ARHGAP24: variants seen among roughly 807,000 people sequenced by gnomAD.
The protein encoded by ARHGAP24 is rho GTPase-activating protein 24.
In ARHGAP24, 50 loss-of-function variants were observed where a neutral mutation model predicts 76.4. The observed-to-expected ratio is 0.65, with a 90% CI of 0.52 to 0.83. ARHGAP24 has a LOEUF of 0.83. Among genes scored for constraint, ARHGAP24 ranks in the 40% least tolerant of loss-of-function variants. The pLI is 0.00. For synonymous variants in ARHGAP24, 345 were observed against 323.3 expected (o/e 1.07, Z -0.72); for missense variants, 930 against 914.2 (o/e 1.02, Z -0.22).
intron 2 of ARHGAP24, among the ~76,000 whole-genome samples, chr4:85,650,154 T>C (rs1410771443): frequency 3.3e-5 from 5 of 150,392 alleles, no homozygotes. Flanking sequence ...GATTTGAGAA[T>C]TATCTAGCAT....
intron 3 of ARHGAP24, among the ~76,000 whole-genome samples, chr4:85,785,923 TG>T (rs1727818183): frequency 6.6e-6 from 1 of 152,130 alleles, no homozygotes; most frequent in Admixed American, 6.5e-5. Flanking sequence ...ATACCCAGTA[TG>T]GGTTTTTGGA....
chr4:85,919,770 G>A (rs1735622920), intron 3 of ARHGAP24, among the ~76,000 whole-genome samples: 1 of 152,166 alleles, frequency 6.6e-6, no homozygotes, highest in Admixed American at 6.5e-5. Flanking sequence ...GACCTGGAGT[G>A]ACACAGCAGG....
chr4:85,689,327 T>C (rs1041611792), intron 2 of ARHGAP24, among the ~76,000 whole-genome samples: 5 of 152,186 alleles, frequency 3.3e-5, no homozygotes, highest in Admixed American at 6.5e-5. Flanking sequence ...GGGATTGCAT[T>C]CTTGATTTGA....
At chr4:85,706,337 C>A (rs900704850) in intron 2 of ARHGAP24, among the ~76,000 whole-genome samples, 1 of 152,102 alleles carries the variant, frequency 6.6e-6, no homozygotes, top group Non-Finnish European at 1.5e-5. Context: ...GATTAATGTA[C>A]TGTGGAAACT....
chr4:85,649,109 G>T (rs1034587375), intron 2 of ARHGAP24, among the ~76,000 whole-genome samples: 1 of 151,690 alleles, frequency 6.6e-6, no homozygotes, highest in Non-Finnish European at 1.5e-5. Context: ...CTAAGTGTTC[G>T]GCTGATATCT....
At chr4:85,896,724 C>A (rs989807966) in intron 3 of ARHGAP24, among the ~76,000 whole-genome samples, 3 of 152,144 alleles carry the variant, frequency 2.0e-5, no homozygotes, top group African/African-American at 7.2e-5. Context: ...GTCCTCTCAG[C>A]CCCCAATATT....
intron 2 of ARHGAP24, among the ~76,000 whole-genome samples, chr4:85,593,643 G>A (rs1728205560): frequency 1.3e-5 from 2 of 152,012 alleles, no homozygotes; most frequent in Non-Finnish European, 2.9e-5. Context: ...GGTGAGATAT[G>A]GGGGTCCAGT....
chr4:85,825,756 G>A (rs1414365110), intron 3 of ARHGAP24, among the ~76,000 whole-genome samples: 2 of 152,150 alleles, frequency 1.3e-5, no homozygotes, highest in Admixed American at 6.5e-5. Context: ...TGGACTCTTT[G>A]TAAAAGTTAA....
chr4:85,918,351 G>A (rs1167843616), intron 3 of ARHGAP24, among the ~76,000 whole-genome samples: 1 of 151,694 alleles, frequency 6.6e-6, no homozygotes, highest in East Asian at 1.9e-4. Context: ...TTATCCATAT[G>A]TCTATAAGCA....
At chr4:85,524,478 A>G (rs1261879970) in intron 1 of ARHGAP24, among the ~76,000 whole-genome samples, 1 of 152,190 alleles carries the variant, frequency 6.6e-6, no homozygotes, top group Non-Finnish European at 1.5e-5. Flanking sequence ...CACATATTAA[A>G]CATGTGAACA....
chr4:85,764,686 C>A (rs766395758), intron 3 of ARHGAP24, among the ~76,000 whole-genome samples: 1 of 151,964 alleles, frequency 6.6e-6, no homozygotes, highest in Non-Finnish European at 1.5e-5. Flanking sequence ...CATTTTCTGA[C>A]TTTTGTTTCT....
intron 1 of ARHGAP24, among the ~76,000 whole-genome samples, chr4:85,490,670 T>C (rs1274122826): frequency 6.6e-6 from 1 of 152,132 alleles, no homozygotes; most frequent in Non-Finnish European, 1.5e-5. Flanking sequence ...TTGAGGAAGG[T>C]TTTAATTAGC....
chr4:85,765,928 T>C (rs555979810), intron 3 of ARHGAP24, among the ~76,000 whole-genome samples: 3 of 152,256 alleles, frequency 2.0e-5, no homozygotes, highest in Admixed American at 1.3e-4. Context: ...CTTTGGGGTG[T>C]TGTTAGATTT....
chr4:85,675,442 A>G (rs1722948235), intron 2 of ARHGAP24, among the ~76,000 whole-genome samples: 1 of 152,350 alleles, frequency 6.6e-6, no homozygotes, highest in Middle Eastern at 3.4e-3. Context: ...TAAATCTAAC[A>G]GAAGGGCAGA....
At chr4:85,848,044 C>T (rs1190871862) in intron 3 of ARHGAP24, among the ~76,000 whole-genome samples, 1 of 152,124 alleles carries the variant, frequency 6.6e-6, no homozygotes, top group Non-Finnish European at 1.5e-5. Context: ...TATAACTTTT[C>T]TCCCCCTTTC....
chr4:85,585,853 C>G (rs1004136785), intron 2 of ARHGAP24, among the ~76,000 whole-genome samples: 1 of 152,098 alleles, frequency 6.6e-6, no homozygotes, highest in Non-Finnish European at 1.5e-5. Context: ...GGACTACTAT[C>G]CAGAAGGGAA....
intron 2 of ARHGAP24, among the ~76,000 whole-genome samples, chr4:85,706,230 A>G (rs1032313667): frequency 6.6e-6 from 1 of 152,012 alleles, no homozygotes; most frequent in Non-Finnish European, 1.5e-5. Flanking sequence ...TTTTTGATGG[A>G]CCTCCAATCT....
At chr4:85,900,000 T>C (rs1222053424) in intron 3 of ARHGAP24, among the ~76,000 whole-genome samples, 1 of 152,246 alleles carries the variant, frequency 6.6e-6, no homozygotes, top group Non-Finnish European at 1.5e-5. Flanking sequence ...TAATATCTAC[T>C]ATGTTCTACA....
At chr4:85,624,448 G>A (rs889656275) in intron 2 of ARHGAP24, among the ~76,000 whole-genome samples, 5 of 152,130 alleles carry the variant, frequency 3.3e-5, no homozygotes, top group African/African-American at 9.7e-5. Flanking sequence ...ACTTGATTAT[G>A]GTGGATAAGC....
Sources: gnomAD v4.1 joint callset for allele counts (sites outside exome capture counted in the v4.1 genomes callset) on GRCh38, gnomAD v4.1.1 for gene constraint, MANE v1.5 for transcripts, NCBI Gene and HGNC (gene_info 2026-07-23, HGNC 2026-07-21) for gene names.